The following WAPL variants were observed in gnomAD, a reference collection of about 807,000 sequenced individuals.
WAPL encodes wings apart-like protein homolog.
WAPL carries 5 observed loss-of-function variants against 121.0 expected under a neutral mutation model. That is an observed-to-expected ratio of 0.04 (90% CI 0.02 to 0.09). WAPL has a LOEUF of 0.09. Ranked by LOEUF, WAPL falls within the 10% of genes least tolerant of loss-of-function variation. The probability of loss-of-function intolerance (pLI) is 1.00; values close to 1 mark genes in which losing one functional copy is unlikely to be tolerated. For missense variants in WAPL, 999 were observed against 1,410.8 expected (o/e 0.71, Z 4.68); for synonymous variants, 480 against 481.5 (o/e 1.00, Z 0.04).
rs774164563 is a variant in WAPL, at chr10:86,517,893, C to T, written c.177G>A (p.Pro59=). The change falls in exon 2 of 19, where the codon CCG becomes CCA. Residue 59 remains proline (P), a synonymous_variant. Coordinates refer to ENST00000298767, the MANE Select transcript of WAPL (RefSeq NM_015045.5). ...PNFKPDIQEI[P]KKPKVEEEST... ...TTTCTTCTTCCACTTTAGGTTTCTT[C>T]GGAATTTCTTGGATATCTGGTTTGA... 3.2e-5 allele frequency: 52 copies of T among 1,613,962 alleles called. No homozygotes were observed. Among genetic ancestry groups the T allele is most frequent in the Non-Finnish European group, 4.3e-5 (51 of 1,180,002 alleles).
chr10:86,494,503 C>G (rs1461608435), intron 4 of WAPL, among the ~76,000 whole-genome samples: 1 of 152,136 alleles, frequency 6.6e-6, no homozygotes, highest in African/African-American at 2.4e-5. Flanking sequence ...AAAAATTGAA[C>G]TTTTAAGCAA....
chr10:86,446,377 T>C lies in WAPL; in HGVS notation c.3187A>G (p.Thr1063Ala), dbSNP rs758709016. ...TCTCCACTCTTATCATGCTGAGTGG[T>C]GGGAGCATCTTTGATCAACTCATCT... ...KTDELIKDAP[T>A]TQHDKSGEWQ... is the part of the protein sequence containing the mutation. The change falls in exon 16 of 19, where the codon ACC becomes GCC. Residue 1063 changes from threonine to alanine, a missense_variant. By Grantham distance (58) the Thr-to-Ala change is moderately conservative. Around this residue, in one of 7 missense-constraint regions of WAPL, gnomAD observed 126 missense variants for 144.0 expected, o/e 0.87. Transcript: ENST00000298767. The C allele has an allele frequency of 2.5e-6, 4 of 1,614,062 alleles. No homozygotes were observed. Among genetic ancestry groups the C allele is most frequent in the Non-Finnish European group, 3.4e-6 (4 of 1,180,036 alleles).
Position 86,472,542 on chromosome 10 carries a change from A to G in WAPL, c.1893+70T>C, listed in dbSNP as rs1841556268. On this transcript the variant is annotated intron_variant, in intron 6 of 18. Transcript: ENST00000298767. The surrounding 1 kb of genome is among the most constrained non-coding windows in gnomAD (Gnocchi z 4.2). ...ATCAGTATACTGATATTTGTTGAAG[A>G]TATTAAATGGCTAAATGTTACATAC... 2 of 1,575,368 alleles carry G rather than the reference A, an allele frequency of 1.3e-6. No individual in the cohort carries two copies. Among genetic ancestry groups the G allele is most frequent in the Non-Finnish European group, 1.7e-6 (2 of 1,161,276 alleles).
At chr10:86,507,714 CCACT>C (rs1842377919) in intron 2 of WAPL, among the ~76,000 whole-genome samples, 1 of 148,728 alleles carries the variant, frequency 6.7e-6, no homozygotes, top group African/African-American at 2.6e-5. Context: ...ATCAGATAGC[CCACT>C]GTTTTTTTTT....
intron 1 of WAPL, among the ~76,000 whole-genome samples, chr10:86,518,294 T>A (rs1009117597): frequency 6.6e-6 from 1 of 152,198 alleles, no homozygotes; most frequent in Non-Finnish European, 1.5e-5. Context: ...TCCTCCACAA[T>A]GAGTACATAT....
rs543257256 is a variant in WAPL, at chr10:86,503,085, G to A, written c.500-2342C>T. Among the ~76,000 whole-genome samples, 18 of 152,202 alleles carry A rather than the reference G, an allele frequency of 1.2e-4. No individual in the cohort carries two copies. The South Asian group carries it at 3.7e-3, about 32-fold the overall frequency. ...AGGCAGGAGAACTGCTTGAACCCGGGAGGCAGAGGTTGCAGTGAGCCAAGA... is the reference window on the plus strand; with the variant it reads ...AGGCAGGAGAACTGCTTGAACCCGGAAGGCAGAGGTTGCAGTGAGCCAAGA... On this transcript the variant is annotated intron_variant, in intron 2 of 18. Transcript: ENST00000298767.
At chr10:86,481,933 T>A (rs1841800542) in intron 4 of WAPL, among the ~76,000 whole-genome samples, 1 of 151,308 alleles carries the variant, frequency 6.6e-6, no homozygotes, top group African/African-American at 2.4e-5. Context: ...ATATTTCACA[T>A]GGACAGCAAA....
At chr10:86,441,838 C>CA (rs1482544705) in intron 17 of WAPL, among the ~76,000 whole-genome samples, 2 of 151,902 alleles carry the variant, frequency 1.3e-5, no homozygotes, top group Non-Finnish European at 2.9e-5. Context: ...CCTGTCTCTA[C>CA]AAAAAAATAC....
In WAPL at chr10:86,437,373, A is replaced by G. The variant is rs1454900612; in HGVS notation, c.*170T>C. On this transcript the variant is annotated 3_prime_UTR_variant, in exon 19 of 19. Coordinates refer to ENST00000298767, the MANE Select transcript of WAPL (RefSeq NM_015045.5). ...CAGATTGATGTAGTAACTGTCATTTAGCAAATGCCGAATGCATGACGAAGA... is the reference window on the plus strand; with the variant it reads ...CAGATTGATGTAGTAACTGTCATTTGGCAAATGCCGAATGCATGACGAAGA... 1.7e-6 allele frequency: 1 copy of G among 603,490 alleles called. No homozygotes were observed. Among genetic ancestry groups the G allele is most frequent in the East Asian group, 3.0e-5 (1 of 33,872 alleles). 37.4% of individuals were successfully genotyped at this position (603,490 alleles called of 1,614,324 possible).
Position 86,506,842 on chromosome 10 carries a change from C to A in WAPL, c.500-6099G>T, listed in dbSNP as rs141639644. On this transcript the variant is annotated intron_variant, in intron 2 of 18. Transcript: ENST00000298767. Reference sequence around the variant, plus strand: ...TTCATTCTTTCTACCACTTCTTTGCCCTACACTGGACTAAGGGTGCCTCTT... The same window carrying A: ...TTCATTCTTTCTACCACTTCTTTGCACTACACTGGACTAAGGGTGCCTCTT... Among the ~76,000 whole-genome samples the A allele has an allele frequency of 1.3e-3, 191 of 151,888 alleles. 1 individual carries two copies. Among genetic ancestry groups the A allele is most frequent in the African/African-American group, 4.1e-3 (169 of 41,440 alleles).
In WAPL at chr10:86,488,196, A is replaced by G. The variant is rs189295027; in HGVS notation, c.1644+9005T>C. 1.2e-3 allele frequency among the ~76,000 whole-genome samples: 184 copies of G among 152,374 alleles called. 3 individuals are homozygous for G. The highest frequency in any genetic ancestry group is 1.6e-3 in the Admixed American group (25 of 15,312). On this transcript the variant is annotated intron_variant, in intron 4 of 18. Transcript: ENST00000298767. ...ACTCATGGTTCTAAACATACACAGA[A>G]TGACCATGAAATAGACATGTGTCTG... is the stretch of plus-strand genomic sequence containing the variant.
At chr10:86,461,442 C>T (rs906124075) in intron 9 of WAPL, among the ~76,000 whole-genome samples, 155 bp from the exon 10 acceptor site, 1 of 152,184 alleles carries the variant, frequency 6.6e-6, no homozygotes, top group East Asian at 1.9e-4. Context: ...GAATAGTCCA[C>T]ATTGAACAAA....
chr10:86,463,830 T>C (rs75733126), intron 9 of WAPL, among the ~76,000 whole-genome samples: 10,730 of 152,302 alleles, frequency 0.07, 528 homozygotes, highest in South Asian at 0.13. Context: ...TATGTTTAGA[T>C]GCACAAATTT....
chr10:86,496,712 A>G (rs960104306), intron 4 of WAPL, among the ~76,000 whole-genome samples: 27 of 152,202 alleles, frequency 1.8e-4, no homozygotes, highest in Admixed American at 1.6e-3. Context: ...ACATACCGTA[A>G]AAGACAGATG....
chr10:86,438,384 G>A (rs775701959), intron 17 of WAPL, among the ~76,000 whole-genome samples: 31 of 152,054 alleles, frequency 2.0e-4, no homozygotes, highest in Non-Finnish European at 4.0e-4. Context: ...CTCCCGGGTA[G>A]CCGGGATTAA....
chr10:86,517,247 C>T (rs1345534018), intron 2 of WAPL, among the ~76,000 whole-genome samples: 1 of 152,124 alleles, frequency 6.6e-6, no homozygotes, highest in Non-Finnish European at 1.5e-5. Context: ...CATCCAAATC[C>T]TCCACAGTAA....
chr10:86,516,941 G>A (rs1387296910), intron 2 of WAPL, among the ~76,000 whole-genome samples: 1 of 152,082 alleles, frequency 6.6e-6, no homozygotes, highest in Non-Finnish European at 1.5e-5. Flanking sequence ...AAATTAGCCA[G>A]GCGTGGTGGC....
intron 2 of WAPL, among the ~76,000 whole-genome samples, chr10:86,509,073 A>G (rs1253968836): frequency 6.6e-6 from 1 of 152,090 alleles, no homozygotes; most frequent in Non-Finnish European, 1.5e-5. Flanking sequence ...GCACAGTCCT[A>G]ATACTTTTTC....
chr10:86,461,314 A>G (rs371663522), intron 9 of WAPL, 27 bp from the exon 10 acceptor site: 6 of 1,554,430 alleles, frequency 3.9e-6, no homozygotes, highest in Non-Finnish European at 4.4e-6. Context: ...TCATTAATGA[A>G]TATCAACTTT....
Sources: allele counts gnomAD v4.1 joint callset (sites outside exome capture counted in the v4.1 genomes callset), GRCh38; gene constraint gnomAD v4.1.1; regional missense constraint gnomAD v4.1.1; non-coding constraint Gnocchi (gnomAD v3.1); transcripts MANE v1.5; gene names NCBI Gene and HGNC (gene_info 2026-07-23, HGNC 2026-07-21).